The following UBE2H variants were observed in gnomAD, a reference collection of about 807,000 sequenced individuals.
UBE2H encodes the protein ubiquitin-conjugating enzyme E2 H.
UBE2H carries 3 observed loss-of-function variants against 29.0 expected under a neutral mutation model. The observed-to-expected ratio is 0.10, with a 90% CI of 0.05 to 0.27. The LOEUF (loss-of-function observed/expected upper bound fraction) is 0.27, where lower values mean the gene tolerates loss of function less well. Ranked by LOEUF, UBE2H falls within the 10% of genes least tolerant of loss-of-function variation. The probability of loss-of-function intolerance (pLI) is 1.00; values close to 1 mark genes in which losing one functional copy is unlikely to be tolerated. For synonymous variants in UBE2H, 69 were observed against 82.9 expected, an observed-to-expected ratio of 0.83 and a Z score of 0.91; for missense variants, 68 against 228.2, an observed-to-expected ratio of 0.30 and a Z score of 4.52.
chr7:129,902,853 T>G (rs10268712), intron 1 of UBE2H, among the ~76,000 whole-genome samples: 5,736 of 152,294 alleles, frequency 0.038, 372 homozygotes, highest in African/African-American at 0.13. Flanking sequence ...GTGCCAAATA[T>G]TTACCAAGCC....
chr7:129,908,951 T>C (rs937341234), intron 1 of UBE2H, among the ~76,000 whole-genome samples: 1 of 152,220 alleles, frequency 6.6e-6, no homozygotes, highest in Non-Finnish European at 1.5e-5. Flanking sequence ...CTTAAGTCCA[T>C]TGCGTAGAAC....
At chr7:129,930,553 G>A (rs964281600) in intron 1 of UBE2H, among the ~76,000 whole-genome samples, 1 of 151,902 alleles carries the variant, frequency 6.6e-6, no homozygotes, top group Admixed American at 6.6e-5. Flanking sequence ...GGTGGATCAC[G>A]AGGTCAGGTG....
intron 1 of UBE2H, among the ~76,000 whole-genome samples, chr7:129,926,989 G>A (rs1397867076): frequency 1.3e-5 from 2 of 152,118 alleles, no homozygotes; most frequent in African/African-American, 2.4e-5. Flanking sequence ...GTGCCCTCTT[G>A]CTCATCTATC....
intron 1 of UBE2H, among the ~76,000 whole-genome samples, chr7:129,884,627 C>G (rs1806323247): frequency 1.4e-5 from 2 of 147,110 alleles, no homozygotes; most frequent in South Asian, 4.3e-4. Context: ...GGGTCTCACT[C>G]TGTCATTCAG....
intron 5 of UBE2H, chr7:129,857,263 GTGTGCACATGTATCACTATA>G (rs1805723334): frequency 3.9e-6 from 2 of 515,844 alleles, no homozygotes; most frequent in Admixed American, 7.4e-5. Context: ...GTACTCATGT[GTGTGCACATGTATCACTATA>G]CCTTAAGTTT....
intron 1 of UBE2H, among the ~76,000 whole-genome samples, chr7:129,928,805 T>C (rs934702033): frequency 6.6e-6 from 1 of 151,982 alleles, no homozygotes; most frequent in East Asian, 1.9e-4. Flanking sequence ...TATACATATA[T>C]AAAGAGGAGA....
chr7:129,848,015 T>C (rs1805542316), intron 5 of UBE2H, among the ~76,000 whole-genome samples: 2 of 152,216 alleles, frequency 1.3e-5, no homozygotes, highest in Admixed American at 6.5e-5. Flanking sequence ...TAAATGGCCT[T>C]AAAGGCTCTA....
In UBE2H at chr7:129,952,670, G is replaced by T. The variant is rs1045897; in HGVS notation, c.-115C>A. 0.17 allele frequency: 202,651 copies of T among 1,208,748 alleles called. 18,042 individuals are homozygous for T. The highest frequency in any genetic ancestry group is 0.35 in the African/African-American group (22,213 of 62,878). The allele number at this position is 1,208,748 out of a possible 1,614,324, so 74.9% of individuals were successfully genotyped here. ...TCGGTGGAGGTGGCAACACCCCCGC[G>T]GTCCCGGCGGTCCCGTCAGCCGCCG... On this transcript the variant is annotated 5_prime_UTR_variant, in exon 1 of 7. Transcript: ENST00000355621.
At chr7:129,919,852 C>A (rs1472894963) in intron 1 of UBE2H, among the ~76,000 whole-genome samples, 1 of 152,178 alleles carries the variant, frequency 6.6e-6, no homozygotes, top group Non-Finnish European at 1.5e-5. Context: ...TGAGAAAACA[C>A]TGGGATACCA....
chr7:129,921,431 C>T (rs1807159340), intron 1 of UBE2H, among the ~76,000 whole-genome samples: 1 of 152,172 alleles, frequency 6.6e-6, no homozygotes, highest in Non-Finnish European at 1.5e-5. Flanking sequence ...GGCATGGTGG[C>T]TCACGCCTGT....
intron 1 of UBE2H, among the ~76,000 whole-genome samples, chr7:129,903,006 C>T (rs561578231): frequency 1.3e-5 from 2 of 152,294 alleles, no homozygotes; most frequent in South Asian, 2.1e-4. Flanking sequence ...GCTATTGAGT[C>T]GTAGAGCTGC....
chr7:129,909,293 C>T (rs746348850), intron 1 of UBE2H, among the ~76,000 whole-genome samples: 23 of 152,230 alleles, frequency 1.5e-4, no homozygotes, highest in South Asian at 6.2e-4. Flanking sequence ...TGACATTCCC[C>T]GCCCCACTGA....
chr7:129,883,259 TA>T (rs980265152), intron 1 of UBE2H, among the ~76,000 whole-genome samples: 1 of 152,236 alleles, frequency 6.6e-6, no homozygotes, highest in South Asian at 2.1e-4. Context: ...TATATGAAGT[TA>T]TTTTTTTAAA....
intron 3 of UBE2H, among the ~76,000 whole-genome samples, chr7:129,861,418 A>G (rs1442738540): frequency 1.3e-5 from 2 of 152,120 alleles, no homozygotes; most frequent in Non-Finnish European, 2.9e-5. Flanking sequence ...TCACCACCTC[A>G]CCACACCTGA....
intron 1 of UBE2H, among the ~76,000 whole-genome samples, chr7:129,898,027 C>T (rs946398826): frequency 3.3e-5 from 5 of 151,560 alleles, no homozygotes; most frequent in Admixed American, 6.6e-5. Flanking sequence ...TTAAAAAAAC[C>T]CATAGTGAAA....
intron 5 of UBE2H, among the ~76,000 whole-genome samples, chr7:129,846,227 G>A (rs1263911023): frequency 6.6e-6 from 1 of 152,068 alleles, no homozygotes; most frequent in Non-Finnish European, 1.5e-5. Context: ...AAAATTTCAA[G>A]CTGGGCAAGG....
chr7:129,832,928 C>G lies in UBE2H; in HGVS notation c.*2009G>C, dbSNP rs1805257170. The G allele has an allele frequency of 6.6e-6, 1 of 152,126 alleles. No individual in the cohort carries two copies. The highest frequency in any genetic ancestry group is 1.5e-5 in the Non-Finnish European group (1 of 68,048). The allele number at this position is 152,126 out of a possible 1,614,324, so 9.4% of individuals were successfully genotyped here. A position where few individuals can be genotyped will look rare whatever the true frequency, so the allele number is the denominator to read the frequency against. ...CAGCAGGTAAGCAAGTTAGACAGTG[C>G]CAGCAGAGAGACCCTCCCTCCCCCA... On this transcript the variant is annotated 3_prime_UTR_variant, in exon 7 of 7. Transcript: ENST00000355621.
At chr7:129,952,322 A>T (rs1469745052) in intron 1 of UBE2H, among the ~76,000 whole-genome samples, 181 bp downstream of exon 1, 1 of 152,050 alleles carries the variant, frequency 6.6e-6, no homozygotes, top group East Asian at 1.9e-4. Flanking sequence ...AGAAAAGGCG[A>T]GCTGAAAAGG....
At chr7:129,866,119 A>G (rs1464604511) in intron 3 of UBE2H, among the ~76,000 whole-genome samples, 3 of 152,124 alleles carry the variant, frequency 2.0e-5, no homozygotes, top group African/African-American at 7.2e-5. Context: ...GGAGAGATGG[A>G]CCTGGGCCTG....
Sources: gnomAD v4.1 joint callset for allele counts (sites outside exome capture counted in the v4.1 genomes callset) on GRCh38, gnomAD v4.1.1 for gene constraint, MANE v1.5 for transcripts, NCBI Gene and HGNC (gene_info 2026-07-23, HGNC 2026-07-21) for gene names.